TMEM117: variants seen among roughly 807,000 people sequenced by gnomAD.
TMEM117 encodes transmembrane protein 117.
A neutral mutation model predicts 52.4 loss-of-function variants in TMEM117; 27 were observed. The ratio of observed to expected loss-of-function variants is 0.51; its 90% CI spans 0.38 to 0.71. The LOEUF (loss-of-function observed/expected upper bound fraction) is 0.71. Among genes scored for constraint, TMEM117 ranks in the 30% least tolerant of loss-of-function variants. The pLI is 0.00. For synonymous variants in TMEM117, 215 were observed against 206.3 expected, an observed-to-expected ratio of 1.04 and a Z score of -0.36; for missense variants, 556 against 630.5, an observed-to-expected ratio of 0.88 and a Z score of 1.26.
At chr12:44,269,876 T>C (rs1950425584) in intron 5 of TMEM117, among the ~76,000 whole-genome samples, 1 of 152,124 alleles carries the variant, frequency 6.6e-6, no homozygotes, top group Non-Finnish European at 1.5e-5. Flanking sequence ...ATTACAGATA[T>C]CATCTCTGGA....
rs1460918651 is a variant in TMEM117 at position 44,045,637 on chromosome 12, GTT to G, written c.411-97887_411-97886del. On this transcript the variant is annotated intron_variant, in intron 3 of 7. Coordinates refer to ENST00000266534, the MANE Select transcript of TMEM117 (RefSeq NM_032256.3). ...AGGCGGTTGGATCACGAGGTCAGGA[GTT>G]CAAGACCAGCCTGGCCAACATGGTG... Among the ~76,000 whole-genome samples the G allele has an allele frequency of 1.3e-5, 2 of 152,104 alleles. 1 individual carries two copies. The highest frequency in any genetic ancestry group is 1.3e-4 in the Admixed American group (2 of 15,272).
chr12:43,925,344 C>G (rs899395177), intron 2 of TMEM117, among the ~76,000 whole-genome samples: 2 of 151,606 alleles, frequency 1.3e-5, no homozygotes, highest in African/African-American at 4.9e-5. Flanking sequence ...GTTAAATGGT[C>G]ACATTTATTA....
chr12:44,114,046 A>G (rs1206263434), intron 3 of TMEM117, among the ~76,000 whole-genome samples: 2 of 147,620 alleles, frequency 1.4e-5, no homozygotes, highest in Non-Finnish European at 3.0e-5. Context: ...AGGTGAGGCA[A>G]TGCCTCGCCC....
chr12:43,959,419 TG>T (rs1423341430), intron 3 of TMEM117, among the ~76,000 whole-genome samples: 1 of 152,196 alleles, frequency 6.6e-6, no homozygotes, highest in African/African-American at 2.4e-5. Context: ...TATCATTTAG[TG>T]GAAAAAAATC....
chr12:44,084,003 T>C (rs1947526877), intron 3 of TMEM117, among the ~76,000 whole-genome samples: 1 of 152,270 alleles, frequency 6.6e-6, no homozygotes, highest in African/African-American at 2.4e-5. Flanking sequence ...TGTTTCAAAA[T>C]GTTATGTGAA....
intron 3 of TMEM117, among the ~76,000 whole-genome samples, chr12:44,030,737 T>A (rs1290567371): frequency 3.3e-5 from 5 of 152,204 alleles, no homozygotes; most frequent in Non-Finnish European, 7.3e-5. Context: ...AAGGTCTGAT[T>A]TTCCCCCCAA....
At chr12:44,030,359 G>A (rs376861418) in intron 3 of TMEM117, among the ~76,000 whole-genome samples, 2 of 152,154 alleles carry the variant, frequency 1.3e-5, no homozygotes, top group Non-Finnish European at 2.9e-5. Context: ...AGTTAGCCAC[G>A]CTGTCTAGCT....
At chr12:44,226,428 C>T (rs745469383) in intron 5 of TMEM117, among the ~76,000 whole-genome samples, 1 of 152,034 alleles carries the variant, frequency 6.6e-6, no homozygotes, top group Non-Finnish European at 1.5e-5. Flanking sequence ...AGTATCATAG[C>T]TTCTCATCTA....
chr12:44,276,644 C>T (rs1950514119), intron 5 of TMEM117, among the ~76,000 whole-genome samples: 2 of 151,850 alleles, frequency 1.3e-5, no homozygotes, highest in African/African-American at 2.4e-5. Context: ...AATGATGTCT[C>T]CCAAAAAAAT....
intron 2 of TMEM117, among the ~76,000 whole-genome samples, chr12:43,904,590 T>C (rs1944354465): frequency 5.9e-5 from 9 of 152,098 alleles, no homozygotes; most frequent in Admixed American, 5.9e-4. Flanking sequence ...AGCAAGTGCT[T>C]AACCCTGCCT....
chr12:43,808,875 C>G, the TMEM117 span, among the ~76,000 whole-genome samples: 1 of 149,846 alleles, frequency 6.7e-6, no homozygotes, highest in African/African-American at 2.5e-5. Context: ...CTGACTGATG[C>G]TCTGTGGGAA....
rs564994745 is a variant in TMEM117 at position 44,032,237 on chromosome 12, A to G, written c.410+87895A>G. On this transcript the variant is annotated intron_variant, in intron 3 of 7. Transcript: ENST00000266534. The stretch of plus-strand genomic sequence containing the variant: ...ACACTTCATACAAATAAAATGGCCA[A>G]GTGTAATAAAGCAAATCAATCTTAC... 2.6e-5 allele frequency among the ~76,000 whole-genome samples: 4 copies of G among 152,372 alleles called. No individual in the cohort carries two copies. In the South Asian group the frequency reaches 8.3e-4, roughly 32 times the overall value.
At position 43,862,143 on chromosome 12, in the gene TMEM117, A is replaced by G. The variant is rs143049411; in HGVS notation, c.277+17215A>G. Among the ~76,000 whole-genome samples the G allele has an allele frequency of 2.0e-3, 305 of 152,282 alleles. 2 individuals are homozygous for G. Among genetic ancestry groups the G allele is most frequent in the Middle Eastern group, 6.8e-3 (2 of 294 alleles). ...GAGTAGGGCCCTTAACTGATCCTCA[A>G]TGGACATATAGTATGAGAAGGAAAT... On this transcript the variant is annotated intron_variant, in intron 2 of 7. Coordinates refer to ENST00000266534, the MANE Select transcript of TMEM117 (RefSeq NM_032256.3).
Position 44,086,932 on chromosome 12 carries a change from T to TATAATTATAAATTATATAATATATAATTA in TMEM117, c.411-56548_411-56520dup, listed in dbSNP as rs1240243421. Among the ~76,000 whole-genome samples, 581 of 146,866 alleles carry TATAATTATAAATTATATAATATATAATTA rather than the reference T, an allele frequency of 4.0e-3. 8 individuals are homozygous for TATAATTATAAATTATATAATATATAATTA. Among genetic ancestry groups the TATAATTATAAATTATATAATATATAATTA allele is most frequent in the African/African-American group, 6.7e-3 (271 of 40,198 alleles). ...GTCATTATTTACATTATTATGACTT[T>TATAATTATAAATTATATAATATATAATTA]ATAATTATAAATTATATAATATATA... On this transcript the variant is annotated intron_variant, in intron 3 of 7. Coordinates refer to ENST00000266534, the MANE Select transcript of TMEM117 (RefSeq NM_032256.3).
chr12:44,181,068 C>T (rs1592585655), intron 4 of TMEM117, among the ~76,000 whole-genome samples: 3 of 152,288 alleles, frequency 2.0e-5, no homozygotes, highest in East Asian at 3.9e-4. Context: ...AATGGTATCT[C>T]ATTGTGGTTT....
chr12:44,021,069 A>G (rs1223137391), intron 3 of TMEM117, among the ~76,000 whole-genome samples: 1 of 152,184 alleles, frequency 6.6e-6, no homozygotes, highest in Non-Finnish European at 1.5e-5. Flanking sequence ...AGATTACCTG[A>G]AATTCAGTCA....
chr12:43,836,348 C>T (rs1481445105), intron 1 of TMEM117, among the ~76,000 whole-genome samples, 152 bp downstream of exon 1: 2 of 152,244 alleles, frequency 1.3e-5, no homozygotes, highest in Non-Finnish European at 2.9e-5. Flanking sequence ...GCCCGGCCCC[C>T]GAATTCTCCG....
chr12:44,394,147 A>G (rs1411665102), downstream of TMEM117, among the ~76,000 whole-genome samples: 1 of 152,198 alleles, frequency 6.6e-6, no homozygotes, highest in Non-Finnish European at 1.5e-5. Context: ...CTCCAAATTT[A>G]TTATTTTTAA....
intron 5 of TMEM117, among the ~76,000 whole-genome samples, chr12:44,232,220 A>G (rs993336094): frequency 2.6e-5 from 4 of 151,646 alleles, no homozygotes; most frequent in Admixed American, 6.6e-5. Flanking sequence ...TTCTAAAGTT[A>G]TTAAGATATT....
Sources: gnomAD v4.1 joint callset for allele counts (sites outside exome capture counted in the v4.1 genomes callset) on GRCh38, gnomAD v4.1.1 for gene constraint, MANE v1.5 for transcripts, NCBI Gene and HGNC (gene_info 2026-07-23, HGNC 2026-07-21) for gene names.